The following DYM variants were observed in gnomAD, a reference collection of about 807,000 sequenced individuals.
DYM encodes the protein dyggve-Melchior-Clausen syndrome protein.
DYM carries 78 observed loss-of-function variants against 93.1 expected under a neutral mutation model. That is an observed-to-expected ratio of 0.84 (90% confidence interval 0.70 to 1.01). The LOEUF (loss-of-function observed/expected upper bound fraction) is 1.01. DYM is among the 50% of genes least tolerant of loss of function. DYM has a pLI of 0.00. For synonymous variants in DYM, 321 were observed against 319.7 expected, an observed-to-expected ratio of 1.00 and a Z score of -0.04; for missense variants, 789 against 845.0, an observed-to-expected ratio of 0.93 and a Z score of 0.82.
intron 8 of DYM, among the ~76,000 whole-genome samples, chr18:49,331,029 C>T (rs912910503): frequency 9.9e-5 from 15 of 152,208 alleles, no homozygotes; most frequent in Non-Finnish European, 1.6e-4. Context: ...CACAGTGCTA[C>T]CTTTTCATAT....
At chr18:49,063,311 T>C (rs1218730886) in intron 17 of DYM, among the ~76,000 whole-genome samples, 4 of 151,136 alleles carry the variant, frequency 2.6e-5, no homozygotes, top group Admixed American at 1.3e-4. Context: ...TCTTTTCTTT[T>C]TTTTTTTTTT....
At chr18:49,247,066 T>G (rs2094188543) in intron 13 of DYM, among the ~76,000 whole-genome samples, 1 of 152,216 alleles carries the variant, frequency 6.6e-6, no homozygotes, top group South Asian at 2.1e-4. Context: ...ATGGTGTCTC[T>G]CTCTAGAGCA....
chr18:49,146,518 T>G (rs2085160640), intron 15 of DYM, among the ~76,000 whole-genome samples: 1 of 152,188 alleles, frequency 6.6e-6, no homozygotes, highest in Non-Finnish European at 1.5e-5. Context: ...AAAATCAATG[T>G]GCAAAAATCA....
At chr18:49,340,572 G>A (rs1407262473) in intron 6 of DYM, among the ~76,000 whole-genome samples, 1 of 152,200 alleles carries the variant, frequency 6.6e-6, no homozygotes, top group Non-Finnish European at 1.5e-5. Context: ...AGGAGCTGAT[G>A]ATAATAGTGC....
At chr18:49,172,878 TATG>T in intron 14 of DYM, among the ~76,000 whole-genome samples, 1 of 152,258 alleles carries the variant, frequency 6.6e-6, no homozygotes. Flanking sequence ...AAAGATTTTC[TATG>T]ATTTCTTCTA....
At position 49,308,288 on chromosome 18, in the gene DYM, G is replaced by GTA. The variant is rs1340030482; in HGVS notation, c.764-21673_764-21672insTA. Reference sequence around the variant, plus strand: ...ACAGACATTTCATACACACTTGTGTGTGTATATATATATATATATATGTAT... The same window carrying GTA: ...ACAGACATTTCATACACACTTGTGTGTATGTATATATATATATATATATGTAT... On this transcript the variant is annotated intron_variant, in intron 8 of 17. Transcript: ENST00000675505. Among the ~76,000 whole-genome samples, 39 of 105,904 alleles carry GTA rather than the reference G, an allele frequency of 3.7e-4. 1 individual carries two copies. Among genetic ancestry groups the GTA allele is most frequent in the African/African-American group, 1.2e-3 (38 of 30,916 alleles). 69.5% of individuals were successfully genotyped at this position (105,904 alleles called of 152,430 possible).
chr18:49,396,330 C>A (rs757097196), intron 2 of DYM, among the ~76,000 whole-genome samples: 1 of 152,086 alleles, frequency 6.6e-6, no homozygotes, highest in Non-Finnish European at 1.5e-5. Flanking sequence ...TCCAATAATC[C>A]GACTGTTGGG....
rs2079628086 is a variant in DYM at position 49,097,277 on chromosome 18, C to T, written c.2025+125G>A. On this transcript the variant is annotated intron_variant, in intron 17 of 17. Transcript: ENST00000675505. ...GCTGTCAGAAACCTTTGTCACAGTTCTGAGGAGCCCTTCTAGTCTATGTAC... is the reference window on the plus strand; with the variant it reads ...GCTGTCAGAAACCTTTGTCACAGTTTTGAGGAGCCCTTCTAGTCTATGTAC... 3 of 840,862 alleles carry T rather than the reference C, an allele frequency of 3.6e-6. No individual in the cohort carries two copies. The East Asian group carries it at 7.9e-5, about 22-fold the overall frequency. 52.1% of individuals were successfully genotyped at this position (840,862 alleles called of 1,614,324 possible). A position where few individuals can be genotyped will look rare whatever the true frequency, so the allele number is the denominator to read the frequency against.
intron 14 of DYM, among the ~76,000 whole-genome samples, chr18:49,195,504 T>C (rs2091355069): frequency 6.6e-6 from 1 of 152,218 alleles, no homozygotes; most frequent in Non-Finnish European, 1.5e-5. Flanking sequence ...TCACTCTTTC[T>C]AGCTAGCTAT....
At chr18:49,160,576 CAAAAAAAA>C (rs34811276) in intron 15 of DYM, among the ~76,000 whole-genome samples, 1 of 135,614 alleles carries the variant, frequency 7.4e-6, no homozygotes, top group South Asian at 2.4e-4. Flanking sequence ...GACTCTGTCT[CAAAAAAAA>C]AAAAAAAAAG....
intron 14 of DYM, among the ~76,000 whole-genome samples, chr18:49,188,106 C>T (rs1205116295): frequency 2.0e-5 from 3 of 152,154 alleles, no homozygotes; most frequent in African/African-American, 7.2e-5. Flanking sequence ...ATACAAATAT[C>T]CCAGAGCTGA....
intron 16 of DYM, among the ~76,000 whole-genome samples, chr18:49,117,660 C>T (rs185158378): frequency 1.9e-3 from 296 of 152,280 alleles, no homozygotes; most frequent in African/African-American, 6.9e-3. Context: ...TAAAACTCCT[C>T]TCTAAATAGT....
chr18:49,322,298 A>T (rs939076117), intron 8 of DYM, among the ~76,000 whole-genome samples: 1 of 152,180 alleles, frequency 6.6e-6, no homozygotes, highest in Non-Finnish European at 1.5e-5. Flanking sequence ...TGTGGTGGAA[A>T]GTGAAGTTTG....
rs1052216506 is a variant in DYM, at chr18:49,209,575, T to C, written c.1601A>G (p.His534Arg). Residue 534 changes from histidine (H) to arginine (R), a missense_variant, in exon 14 of 18, where the codon CAC becomes CGC. Transcript: ENST00000675505. The stretch of plus-strand genomic sequence containing the variant: ...CCTGGAAGCATAGGATCTGAGAATG[T>C]GAGAGCAAGTTAAAGACAAGAGTTC... ...GEELLSLTCS[H>R]ILRSYASSLF... The C allele has an allele frequency of 9.3e-6, 12 of 1,289,526 alleles. 1 individual carries two copies. The highest frequency in any genetic ancestry group is 4.2e-4 in the Middle Eastern group (2 of 4,718). The allele number at this position is 1,289,526 out of a possible 1,614,324, so 79.9% of individuals were successfully genotyped here.
chr18:49,119,740 T>C (rs754552350), intron 15 of DYM, among the ~76,000 whole-genome samples: 5 of 152,136 alleles, frequency 3.3e-5, no homozygotes, highest in African/African-American at 1.2e-4. Flanking sequence ...CGATAAGCTA[T>C]GTACATATAA....
intron 14 of DYM, among the ~76,000 whole-genome samples, chr18:49,182,562 A>G (rs1034241205): frequency 3.3e-5 from 5 of 152,170 alleles, no homozygotes; most frequent in Non-Finnish European, 7.3e-5. Context: ...TTCCTCTCTG[A>G]AGTCACTTTG....
At chr18:49,145,710 A>C (rs1422768002) in intron 15 of DYM, among the ~76,000 whole-genome samples, 1 of 152,156 alleles carries the variant, frequency 6.6e-6, no homozygotes, top group Non-Finnish European at 1.5e-5. Flanking sequence ...TGCATGGTAT[A>C]ATACTTTCTT....
In DYM at chr18:49,279,753, A is replaced by C. The variant is rs376100273; in HGVS notation, c.1125+2244T>G. On this transcript the variant is annotated intron_variant, in intron 10 of 17. Transcript: ENST00000675505. ...GCCTATCCACACCCATCAGGAAACAAGCCTTCTCTTTATAGGATTTTACTC... is the reference window on the plus strand; with the variant it reads ...GCCTATCCACACCCATCAGGAAACACGCCTTCTCTTTATAGGATTTTACTC... Among the ~76,000 whole-genome samples, 21 of 152,322 alleles carry C rather than the reference A, an allele frequency of 1.4e-4. No homozygotes were observed. The South Asian group carries it at 4.1e-3, about 30-fold the overall frequency.
intron 6 of DYM, 59 bp from the exon 7 acceptor site, chr18:49,333,912 T>G (rs1403472291): frequency 1.0e-5 from 16 of 1,525,764 alleles, no homozygotes; most frequent in Non-Finnish European, 1.3e-5. Flanking sequence ...ACTATTCTTT[T>G]CTAAATGAAC....
Sources: gnomAD v4.1 joint callset for allele counts (sites outside exome capture counted in the v4.1 genomes callset) on GRCh38, gnomAD v4.1.1 for gene constraint, MANE v1.5 for transcripts, NCBI Gene and HGNC (gene_info 2026-07-23, HGNC 2026-07-21) for gene names.